DNAH9: variants seen among roughly 807,000 people sequenced by gnomAD.
DNAH9 encodes the protein DNAH9 variant protein.
Under a neutral mutation model 471.6 loss-of-function variants are expected in DNAH9, and 345 were observed. That is an observed-to-expected ratio of 0.73 (90% confidence interval 0.67 to 0.80). The LOEUF is 0.80. Among genes scored for constraint, DNAH9 ranks in the 30% least tolerant of loss-of-function variants. DNAH9 has a pLI of 0.00. For missense variants in DNAH9, 5,407 were observed against 5,609.2 expected (o/e 0.96, Z 1.15); for synonymous variants, 2,093 against 2,123.6 (o/e 0.99, Z 0.40).
intron 1 of DNAH9, among the ~76,000 whole-genome samples, chr17:11,606,446 TTC>T (rs1342581719): frequency 2.1e-5 from 2 of 95,904 alleles, no homozygotes; most frequent in Non-Finnish European, 4.1e-5. Flanking sequence ...TTCTTTTCTT[TTC>T]TTTTCTTTTT....
At chr17:11,833,604 T>C (rs1970743252) in intron 48 of DNAH9, among the ~76,000 whole-genome samples, 1 of 152,154 alleles carries the variant, frequency 6.6e-6, no homozygotes, top group South Asian at 2.1e-4. Flanking sequence ...TTGTTTATTG[T>C]TAATCAAGTC....
At chr17:11,618,817 T>C (rs971829236) in intron 5 of DNAH9, among the ~76,000 whole-genome samples, 2 of 152,162 alleles carry the variant, frequency 1.3e-5, no homozygotes, top group African/African-American at 4.8e-5. Context: ...TATTATATTA[T>C]TTAAAGATGT....
chr17:11,676,275 CTTTTTTTTTTTTT>C (rs67397847), intron 17 of DNAH9, among the ~76,000 whole-genome samples: 12 of 73,882 alleles, frequency 1.6e-4, no homozygotes, highest in Non-Finnish European at 2.8e-4. Context: ...CATTTCTGTT[CTTTTTTTTTTTTT>C]TTTTTTTTTT....
Position 11,942,500 on chromosome 17 carries a change from G to A in DNAH9, c.12843+15G>A, listed in dbSNP as rs894877870. On this transcript the variant is annotated intron_variant, in intron 67 of 68. Transcript: ENST00000262442. ...TCGGCTTAAAGGTGAGCGCGGTCTT[G>A]TAAGGCATGGAGGGGACATTGCTAG... The A allele has an allele frequency of 6.2e-7, 1 of 1,609,488 alleles. No individual in the cohort carries two copies.
At chr17:11,867,639 TA>T (rs1289744000) in intron 50 of DNAH9, among the ~76,000 whole-genome samples, 1 of 152,214 alleles carries the variant, frequency 6.6e-6, no homozygotes, top group Non-Finnish European at 1.5e-5. Flanking sequence ...TCATCTTGTT[TA>T]ACTTAATCTA....
chr17:11,642,761 G>T (rs990789146), intron 10 of DNAH9, among the ~76,000 whole-genome samples: 1 of 152,178 alleles, frequency 6.6e-6, no homozygotes, highest in Non-Finnish European at 1.5e-5. Flanking sequence ...GAGACCCGGG[G>T]TTGGGGCCTG....
chr17:11,961,506 G>A (rs1300486874), intron 67 of DNAH9, among the ~76,000 whole-genome samples: 2 of 151,628 alleles, frequency 1.3e-5, no homozygotes, highest in Non-Finnish European at 2.9e-5. Flanking sequence ...GCATGCAGGA[G>A]AGTCATGGAA....
intron 33 of DNAH9, among the ~76,000 whole-genome samples, chr17:11,753,636 A>C (rs1238975275): frequency 6.6e-6 from 1 of 152,236 alleles, no homozygotes; most frequent in Non-Finnish European, 1.5e-5. Flanking sequence ...ATTGCACTCC[A>C]GCCTGGGCAA....
At chr17:11,858,965 T>TGC (rs1971723933) in intron 50 of DNAH9, among the ~76,000 whole-genome samples, 3 of 151,552 alleles carry the variant, frequency 2.0e-5, no homozygotes, top group Admixed American at 2.0e-4. Flanking sequence ...ATGCCTGTAA[T>TGC]CTCAGCTACT....
At chr17:11,872,026 A>C (rs7214575) in intron 52 of DNAH9, among the ~76,000 whole-genome samples, 1,647 of 152,228 alleles carry the variant, frequency 0.011, 38 homozygotes, top group African/African-American at 0.037. Context: ...CCATGGGAAC[A>C]CTAGTCCTCT....
chr17:11,918,053 G>A lies in DNAH9; in HGVS notation c.11750-5761G>A, dbSNP rs796591935. On this transcript the variant is annotated intron_variant, in intron 61 of 68. Transcript: ENST00000262442. ...TCTACTGTCTCCTTTTCTCTCCAACGTTCTGAGATTTTTGTAGGCCTGCTA... is the reference window on the plus strand; with the variant it reads ...TCTACTGTCTCCTTTTCTCTCCAACATTCTGAGATTTTTGTAGGCCTGCTA... 5.9e-5 allele frequency among the ~76,000 whole-genome samples: 9 copies of A among 152,188 alleles called. No individual in the cohort carries two copies. The South Asian group carries it at 6.2e-4, about 11-fold the overall frequency.
At chr17:11,832,279 T>C (rs73296468) in intron 48 of DNAH9, among the ~76,000 whole-genome samples, 2 of 152,116 alleles carry the variant, frequency 1.3e-5, no homozygotes, top group African/African-American at 2.4e-5. Flanking sequence ...TGCTGGTGGT[T>C]ATTTACCTTG....
chr17:11,724,128 A>G (rs2075112048), intron 27 of DNAH9, among the ~76,000 whole-genome samples: 1 of 152,206 alleles, frequency 6.6e-6, no homozygotes, highest in South Asian at 2.1e-4. Flanking sequence ...TTGTAGTATA[A>G]TGATCGAATC....
At chr17:11,643,094 G>T (rs922998256) in intron 10 of DNAH9, among the ~76,000 whole-genome samples, 1 of 152,334 alleles carries the variant, frequency 6.6e-6, no homozygotes, top group East Asian at 1.9e-4. Context: ...TTAGTGTGAA[G>T]ATTTTGAAGA....
At chr17:11,887,246 G>T (rs1237155189) in intron 57 of DNAH9, among the ~76,000 whole-genome samples, 1 of 152,182 alleles carries the variant, frequency 6.6e-6, no homozygotes, top group Non-Finnish European at 1.5e-5. Flanking sequence ...TAGGTACTAT[G>T]CTTACTGAAT....
intron 27 of DNAH9, chr17:11,723,336 G>C (rs1156326924): frequency 6.6e-6 from 1 of 152,152 alleles, no homozygotes. Flanking sequence ...ACCTCTAATC[G>C]GTCACCAGTG....
At position 11,756,598 on chromosome 17, in the gene DNAH9, C is replaced by T. The variant is rs1267982558; in HGVS notation, c.6769C>T (p.Pro2257Ser). Residue 2257 changes from proline to serine, a missense_variant, in exon 34 of 69, where the codon CCT (proline) becomes TCT (serine). Physicochemically the swap from Pro to Ser is moderately conservative, Grantham distance 74. This residue lies in a region of DNAH9 where 4,636 missense variants were observed against 4,900.3 expected (regional missense o/e 0.95). Transcript: ENST00000262442. Reference protein sequence around the residue: ...VLTLASNERIPLNPTMKLLFE... With the variant: ...VLTLASNERISLNPTMKLLFE... ...GACATTGGCCAGCAATGAGAGGATT[C>T]CTCTGAACCCCACCATGAAGCTCCT... 1 of 1,613,658 alleles carries T rather than the reference C, an allele frequency of 6.2e-7. No individual in the cohort carries two copies. The highest frequency in any genetic ancestry group is 8.5e-7 in the Non-Finnish European group (1 of 1,179,578).
Position 11,899,908 on chromosome 17 carries a change from A to G in DNAH9, c.11407-2811A>G, listed in dbSNP as rs73298455. Among the ~76,000 whole-genome samples, 780 of 152,322 alleles carry G rather than the reference A, an allele frequency of 5.1e-3. 3 individuals are homozygous for G. Among genetic ancestry groups the G allele is most frequent in the African/African-American group, 0.018 (756 of 41,568 alleles). ...AGGTCTAAGGCGTACAAAGAGGCCTACAAAAGTTCTTGCCCGCAGGGAGCT... is the reference window on the plus strand; with the variant it reads ...AGGTCTAAGGCGTACAAAGAGGCCTGCAAAAGTTCTTGCCCGCAGGGAGCT... On this transcript the variant is annotated intron_variant, in intron 59 of 68. Coordinates refer to ENST00000262442, the MANE Select transcript of DNAH9 (RefSeq NM_001372.4).
At chr17:11,760,483 C>T (rs1340943653) in intron 35 of DNAH9, among the ~76,000 whole-genome samples, 3 of 152,112 alleles carry the variant, frequency 2.0e-5, no homozygotes, top group Non-Finnish European at 4.4e-5. Context: ...TATGGGTGCT[C>T]ACTCTGGGTG....
Sources: allele counts gnomAD v4.1 joint callset (sites outside exome capture counted in the v4.1 genomes callset), GRCh38; gene constraint gnomAD v4.1.1; regional missense constraint gnomAD v4.1.1; transcripts MANE v1.5; gene names NCBI Gene and HGNC (gene_info 2026-07-23, HGNC 2026-07-21).